RFX2: variants seen among roughly 807,000 people sequenced by gnomAD.
RFX2 encodes the protein DNA-binding protein RFX2.
In RFX2, 20 loss-of-function variants were observed where a neutral mutation model predicts 87.8. The ratio of observed to expected loss-of-function variants is 0.23; its 90% confidence interval spans 0.16 to 0.33. RFX2 has a LOEUF of 0.33. Among genes scored for constraint, RFX2 ranks in the 10% least tolerant of loss-of-function variants. The probability of loss-of-function intolerance (pLI) is 1.00; values close to 1 mark genes in which losing one functional copy is unlikely to be tolerated. For missense variants in RFX2, 767 were observed against 1,012.3 expected, an observed-to-expected ratio of 0.76 and a Z score of 3.29; for synonymous variants, 397 against 431.3, an observed-to-expected ratio of 0.92 and a Z score of 0.98.
At chr19:6,105,940 T>G (rs550990014) in intron 1 of RFX2, among the ~76,000 whole-genome samples, 14 of 152,228 alleles carry the variant, frequency 9.2e-5, no homozygotes, top group Admixed American at 8.5e-4. Flanking sequence ...TCCACCTGGA[T>G]GTACCCAGCA....
chr19:6,025,234 G>A (rs116073962), intron 6 of RFX2, among the ~76,000 whole-genome samples: 2,515 of 152,242 alleles, frequency 0.017, 78 homozygotes, highest in African/African-American at 0.058. Flanking sequence ...AAATAAAGAC[G>A]GAGCCTGCCA....
chr19:6,009,722 C>T (rs1159065055), intron 9 of RFX2, among the ~76,000 whole-genome samples: 1 of 152,174 alleles, frequency 6.6e-6, no homozygotes, highest in African/African-American at 2.4e-5. Context: ...GGTGGGACCA[C>T]AGGAGCTTGC....
In RFX2 at chr19:6,007,681, G is replaced by T; in HGVS notation, c.1247+9C>A. 2 of 1,513,184 alleles carry T rather than the reference G, an allele frequency of 1.3e-6. No individual in the cohort carries two copies. Among genetic ancestry groups the T allele is most frequent in the Non-Finnish European group, 1.8e-6 (2 of 1,111,786 alleles). 93.7% of individuals were successfully genotyped at this position (1,513,184 alleles called of 1,614,324 possible). Reference sequence around the variant, plus strand: ...GTGGCTGTGAACCCAGCCAGGGTGTGGCAGTCACCTGGCAGGAAGAGAGGT... The same window carrying T: ...GTGGCTGTGAACCCAGCCAGGGTGTTGCAGTCACCTGGCAGGAAGAGAGGT... On this transcript the variant is annotated intron_variant, in intron 11 of 17. Transcript: ENST00000303657. The surrounding 1 kb of genome is among the most constrained non-coding windows in gnomAD (Gnocchi z 8.2).
Position 5,997,190 on chromosome 19 carries a change from G to A in RFX2, c.1883C>T (p.Thr628Ile). ...GCCGAAGCTGGCAGCGCTGCGCAGG[G>A]TCAGGTCCCGGATCACCATGGAGCT... ...FYSSMVIRDL[T>I]LRSAASFGSF... The change falls in exon 16 of 18, where the codon ACC (threonine) becomes ATC (isoleucine). Residue 628 changes from threonine (T) to isoleucine (I), a missense_variant. Around this residue, in one of 2 missense-constraint regions of RFX2, gnomAD observed 621 missense variants for 873.0 expected, o/e 0.71. Transcript: ENST00000303657. This position sits in a 1 kb window ranked among gnomAD's most constrained non-coding sequence, Gnocchi z 4.2. The A allele has an allele frequency of 6.2e-7, 1 of 1,612,304 alleles. No homozygotes were observed. Among genetic ancestry groups the A allele is most frequent in the Non-Finnish European group, 8.5e-7 (1 of 1,179,920 alleles).
At chr19:6,038,933 A>T (rs570338949) in intron 5 of RFX2, among the ~76,000 whole-genome samples, 1 of 152,176 alleles carries the variant, frequency 6.6e-6, no homozygotes, top group Non-Finnish European at 1.5e-5. Context: ...TTAAACATAC[A>T]CTTTCTGTAT....
chr19:6,076,202 T>C (rs187687036), intron 1 of RFX2, among the ~76,000 whole-genome samples: 12 of 152,100 alleles, frequency 7.9e-5, no homozygotes, highest in African/African-American at 2.4e-4. Flanking sequence ...AAATTAGCCA[T>C]GCGTGGTGGT....
rs117189461 is a variant in RFX2 at position 6,106,762 on chromosome 19, T to C, written c.-9+3631A>G. On this transcript the variant is annotated intron_variant, in intron 1 of 17. Transcript: ENST00000303657. ...CTATGGGGGTATACTGTTTAAATGT[T>C]TGTAAATATTTAAATATATTTGTTT... is the stretch of plus-strand genomic sequence containing the variant. Among the ~76,000 whole-genome samples the C allele has an allele frequency of 2.7e-3, 413 of 150,620 alleles. 5 individuals carry two copies. In the East Asian group the frequency reaches 0.046, roughly 17 times the overall value.
intron 1 of RFX2, among the ~76,000 whole-genome samples, chr19:6,082,090 G>A (rs1020944489): frequency 1.1e-4 from 16 of 151,870 alleles, no homozygotes; most frequent in African/African-American, 2.7e-4. Flanking sequence ...GTGAGACTCC[G>A]TCTCAAAAAC....
chr19:6,046,044 G>C (rs908707305), intron 2 of RFX2, among the ~76,000 whole-genome samples: 3 of 152,086 alleles, frequency 2.0e-5, no homozygotes, highest in Non-Finnish European at 4.4e-5. Flanking sequence ...CTAACTTTTA[G>C]ATTCCAGATC....
chr19:6,060,461 C>T (rs1015635761), intron 1 of RFX2, among the ~76,000 whole-genome samples: 1 of 152,234 alleles, frequency 6.6e-6, no homozygotes, highest in Non-Finnish European at 1.5e-5. Flanking sequence ...ATTCTTTCAG[C>T]TTATAGACAA....
intron 1 of RFX2, among the ~76,000 whole-genome samples, chr19:6,100,163 G>A (rs748984284): frequency 1.2e-4 from 18 of 152,196 alleles, no homozygotes; most frequent in Admixed American, 3.9e-4. Flanking sequence ...TTCCAGAGAA[G>A]GGATAAGAAA....
chr19:6,109,009 AGTGAGTGTGTGTGT>A (rs1381497035), intron 1 of RFX2, among the ~76,000 whole-genome samples: 2 of 151,548 alleles, frequency 1.3e-5, no homozygotes, highest in Admixed American at 1.3e-4. Context: ...TTGGGGTGTG[AGTGAGTGTGTGTGT>A]GTGAGTGTGT....
At position 6,013,828 on chromosome 19, in the gene RFX2, C is replaced by T. The variant is rs569915973; in HGVS notation, c.780-723G>A. On this transcript the variant is annotated intron_variant, in intron 7 of 17. Coordinates refer to ENST00000303657, the MANE Select transcript of RFX2 (RefSeq NM_000635.4). The surrounding 1 kb of genome is among the most constrained non-coding windows in gnomAD (Gnocchi z 4.1). ...GATCAAGGAATTCTGTACATAATGC[C>T]GTTGTCATAGAGAGTCCTCTCTCAC... Among the ~76,000 whole-genome samples the T allele has an allele frequency of 2.0e-5, 3 of 152,282 alleles. No homozygotes were observed. Among genetic ancestry groups the T allele is most frequent in the South Asian group, 2.1e-4 (1 of 4,816 alleles).
At position 5,997,762 on chromosome 19, in the gene RFX2, C is replaced by A. The variant is rs1438066407; in HGVS notation, c.1860-549G>T. 2.0e-5 allele frequency among the ~76,000 whole-genome samples: 3 copies of A among 152,138 alleles called. No homozygotes were observed. The highest frequency in any genetic ancestry group is 7.2e-5 in the African/African-American group (3 of 41,434). The stretch of plus-strand genomic sequence containing the variant: ...AAGCAGGGGTTTCAGAGACTTCAGC[C>A]CAGATCCAGTCCGCGTCCAGCCCTC... On this transcript the variant is annotated intron_variant, in intron 15 of 17. Transcript: ENST00000303657. This position sits in a 1 kb window ranked among gnomAD's most constrained non-coding sequence, Gnocchi z 4.2.
intron 1 of RFX2, among the ~76,000 whole-genome samples, chr19:6,109,759 C>G (rs2088276086): frequency 6.6e-6 from 1 of 151,704 alleles, no homozygotes; most frequent in Admixed American, 6.6e-5. Context: ...AAGAGGGGTC[C>G]CCGGGTGTCC....
At chr19:6,107,616 C>CAAAAAAAAAAAAAAAAAAAAAAA (rs1156483792) in intron 1 of RFX2, among the ~76,000 whole-genome samples, 2 of 31,556 alleles carry the variant, frequency 6.3e-5, no homozygotes, top group African/African-American at 1.2e-4. Flanking sequence ...GACCCTGTCT[C>CAAAAAAAAAAAAAAAAAAAAAAA]AAAAAAAAAA....
intron 1 of RFX2, among the ~76,000 whole-genome samples, chr19:6,100,723 A>G (rs1219032332): frequency 6.6e-6 from 1 of 151,926 alleles, no homozygotes; most frequent in East Asian, 1.9e-4. Context: ...GCAGTTCGTG[A>G]AATTAAATAA....
At chr19:6,072,333 A>G (rs576980533) in intron 1 of RFX2, among the ~76,000 whole-genome samples, 1 of 152,314 alleles carries the variant, frequency 6.6e-6, no homozygotes, top group East Asian at 1.9e-4. Context: ...CGGCCCAAGT[A>G]TCCACCTGGG....
intron 16 of RFX2, among the ~76,000 whole-genome samples, 200 bp downstream of exon 16, chr19:5,996,860 T>G (rs1413994575): frequency 6.6e-6 from 1 of 152,106 alleles, no homozygotes; most frequent in Non-Finnish European, 1.5e-5. Flanking sequence ...AAACTTGTGG[T>G]TTTGATGTTT....
Sources: allele counts gnomAD v4.1 joint callset (sites outside exome capture counted in the v4.1 genomes callset), GRCh38; gene constraint gnomAD v4.1.1; regional missense constraint gnomAD v4.1.1; non-coding constraint Gnocchi (gnomAD v3.1); transcripts MANE v1.5; gene names NCBI Gene and HGNC (gene_info 2026-07-23, HGNC 2026-07-21).